CTNNA2: variants seen among roughly 807,000 people sequenced by gnomAD.
CTNNA2 encodes the protein catenin alpha 2.
Under a neutral mutation model 101.0 loss-of-function variants are expected in CTNNA2, and 42 were observed. The ratio of observed to expected loss-of-function variants is 0.42; its 90% CI spans 0.32 to 0.54. The LOEUF is 0.54. Among genes scored for constraint, CTNNA2 ranks in the 20% least tolerant of loss-of-function variants. The pLI, the probability that CTNNA2 is intolerant of heterozygous loss-of-function variation, is 0.14. For missense variants in CTNNA2, 871 were observed against 1,223.1 expected (o/e 0.71, Z 4.29); for synonymous variants, 450 against 456.4 (o/e 0.99, Z 0.18).
In CTNNA2 at chr2:80,646,336, G is replaced by T. The variant is rs199570991; in HGVS notation, c.2575-1249G>T. 2.6e-5 allele frequency among the ~76,000 whole-genome samples: 4 copies of T among 152,206 alleles called. No homozygotes were observed. The East Asian group carries it at 7.7e-4, about 29-fold the overall frequency. On this transcript the variant is annotated intron_variant, in intron 18 of 18. Transcript: ENST00000402739. ...TTGCTTCCTTCAGTTAACTGTAATT[G>T]ATATATCTCATTAGTTGATGTTACA...
intron 17 of CTNNA2, among the ~76,000 whole-genome samples, chr2:80,615,815 T>C (rs183325793): frequency 1.6e-4 from 25 of 151,778 alleles, no homozygotes; most frequent in African/African-American, 5.8e-4. Context: ...GGCCCATGTA[T>C]CTTACAAATA....
intron 7 of CTNNA2, among the ~76,000 whole-genome samples, chr2:79,942,742 A>G (rs1179370366): frequency 6.6e-6 from 1 of 152,140 alleles, no homozygotes; most frequent in Admixed American, 6.5e-5. Flanking sequence ...TAGGACCCCT[A>G]TCTGTCTGGC....
rs1038251363 is a variant in CTNNA2 at position 80,279,443 on chromosome 2, C to T, written c.1057-113768C>T. Among the ~76,000 whole-genome samples the T allele has an allele frequency of 2.6e-5, 4 of 152,044 alleles. No individual in the cohort carries two copies. In the South Asian group the frequency reaches 6.2e-4, roughly 24 times the overall value. The stretch of plus-strand genomic sequence containing the variant: ...ATTTTCCAAGTGATCATAGAAAAAC[C>T]GTTTTTCTTTTACATCTGTTTAATG... On this transcript the variant is annotated intron_variant, in intron 7 of 18. Coordinates refer to ENST00000402739, the MANE Select transcript of CTNNA2 (RefSeq NM_001282597.3).
At chr2:79,937,528 C>G (rs1416571782) in intron 7 of CTNNA2, among the ~76,000 whole-genome samples, 1 of 152,148 alleles carries the variant, frequency 6.6e-6, no homozygotes, top group Non-Finnish European at 1.5e-5. Context: ...TCTCACTTTT[C>G]AAATCATCTG....
chr2:80,223,538 T>G (rs1173325200), intron 7 of CTNNA2, among the ~76,000 whole-genome samples: 3 of 152,194 alleles, frequency 2.0e-5, no homozygotes, highest in Non-Finnish European at 4.4e-5. Flanking sequence ...CCTCCCAAAG[T>G]GCTGGGATTA....
At chr2:79,963,297 A>G (rs1317684306) in intron 7 of CTNNA2, among the ~76,000 whole-genome samples, 3 of 152,192 alleles carry the variant, frequency 2.0e-5, no homozygotes, top group African/African-American at 7.2e-5. Context: ...TAAAGAGCAG[A>G]TGAGTGTTAC....
chr2:79,352,472 T>C (rs1253807096), intron 3 of CTNNA2, among the ~76,000 whole-genome samples: 2 of 152,172 alleles, frequency 1.3e-5, no homozygotes, highest in Non-Finnish European at 2.9e-5. Context: ...GGATATTCTC[T>C]CTTTTTTTCT....
intron 6 of CTNNA2, 144 bp downstream of exon 6, chr2:79,874,486 G>A (rs921654232): frequency 9.8e-7 from 1 of 1,018,384 alleles, no homozygotes; most frequent in Non-Finnish European, 1.4e-6. Context: ...ACTACATAAT[G>A]CATTTCTGTA....
chr2:80,060,447 T>C (rs1429473920), intron 7 of CTNNA2, among the ~76,000 whole-genome samples: 1 of 152,180 alleles, frequency 6.6e-6, no homozygotes, highest in Non-Finnish European at 1.5e-5. Flanking sequence ...CTGATCTCAT[T>C]ACCCTTCTGG....
At chr2:80,556,490 C>G (rs1197091505) in intron 12 of CTNNA2, among the ~76,000 whole-genome samples, 2 of 152,192 alleles carry the variant, frequency 1.3e-5, no homozygotes, top group Admixed American at 1.3e-4. Context: ...TTTACATGCC[C>G]TTCTTCAGGG....
intron 2 of CTNNA2, among the ~76,000 whole-genome samples, chr2:79,243,355 C>T (rs1182614137): frequency 6.6e-6 from 1 of 152,122 alleles, no homozygotes; most frequent in Non-Finnish European, 1.5e-5. Context: ...GTATGTTTTA[C>T]TATAGAGGGC....
At chr2:79,588,130 C>A (rs1676615104) in intron 1 of CTNNA2, among the ~76,000 whole-genome samples, 1 of 152,154 alleles carries the variant, frequency 6.6e-6, no homozygotes, top group Non-Finnish European at 1.5e-5. Flanking sequence ...CATTTAGTGC[C>A]AAGATCCTGG....
At chr2:79,939,355 C>T (rs1422550062) in intron 7 of CTNNA2, among the ~76,000 whole-genome samples, 6 of 152,072 alleles carry the variant, frequency 3.9e-5, no homozygotes, top group East Asian at 1.9e-4. Context: ...TGTCCATTAC[C>T]GCAGTATTTA....
At chr2:80,635,865 G>A (rs1215548735) in intron 18 of CTNNA2, among the ~76,000 whole-genome samples, 1 of 151,602 alleles carries the variant, frequency 6.6e-6, no homozygotes, top group Non-Finnish European at 1.5e-5. Context: ...GGATACCAAT[G>A]AAGAAATGGC....
chr2:80,601,515 G>A (rs998464373), intron 15 of CTNNA2: 1 of 143,464 alleles, frequency 7.0e-6, no homozygotes, highest in African/African-American at 2.6e-5. Context: ...TTTCTGGTCT[G>A]TTTTGATAAT....
chr2:79,852,898 AC>A (rs774374645), intron 3 of CTNNA2, among the ~76,000 whole-genome samples: 1 of 143,814 alleles, frequency 7.0e-6, no homozygotes, highest in Non-Finnish European at 1.5e-5. Flanking sequence ...CCGCAGTTTA[AC>A]CCTCGTTTCC....
intron 13 of CTNNA2, 51 bp downstream of exon 13, chr2:80,574,365 C>T (rs1694862378): frequency 6.7e-7 from 1 of 1,492,604 alleles, no homozygotes; most frequent in Non-Finnish European, 9.0e-7. Flanking sequence ...TAGTAGGAAA[C>T]TAAAGAGCTA....
chr2:79,622,290 A>G (rs2104295556), intron 1 of CTNNA2, among the ~76,000 whole-genome samples: 1 of 152,274 alleles, frequency 6.6e-6, no homozygotes, highest in South Asian at 2.1e-4. Flanking sequence ...TTTTGTTTAT[A>G]AAATCCCCCT....
At chr2:79,423,591 T>C (rs1269159530) in intron 4 of CTNNA2, among the ~76,000 whole-genome samples, 1 of 152,166 alleles carries the variant, frequency 6.6e-6, no homozygotes, top group Non-Finnish European at 1.5e-5. Context: ...GAATGGTCTC[T>C]ACCTGACCAT....
Sources: allele counts gnomAD v4.1 joint callset (sites outside exome capture counted in the v4.1 genomes callset), GRCh38; gene constraint gnomAD v4.1.1; transcripts MANE v1.5; gene names NCBI Gene and HGNC (gene_info 2026-07-23, HGNC 2026-07-21).